Variants in TTC27 observed in about 807,000 individuals in gnomAD.
TTC27 encodes tetratricopeptide repeat domain 27, also known as tetratricopeptide repeat protein 27.
A neutral mutation model predicts 115.9 loss-of-function variants in TTC27; 79 were observed. That is an observed-to-expected ratio of 0.68 (90% CI 0.57 to 0.82). The LOEUF (loss-of-function observed/expected upper bound fraction) is 0.82. TTC27 is among the 40% of genes least tolerant of loss of function. The probability of loss-of-function intolerance (pLI) is 0.00; values close to 1 mark genes in which losing one functional copy is unlikely to be tolerated. For synonymous variants in TTC27, 401 were observed against 356.0 expected, an observed-to-expected ratio of 1.13 and a Z score of -1.42; for missense variants, 1,054 against 993.1, an observed-to-expected ratio of 1.06 and a Z score of -0.82.
intron 10 of TTC27, among the ~76,000 whole-genome samples, chr2:32,718,219 A>G (rs953912567): frequency 1.3e-5 from 2 of 152,032 alleles, no homozygotes; most frequent in Non-Finnish European, 1.5e-5. Context: ...TCAGTTCTGA[A>G]TTTGGAATTT....
chr2:32,650,257 T>C, intron 5 of TTC27, 24 bp downstream of exon 5: 1 of 1,577,262 alleles, frequency 6.3e-7, no homozygotes, highest in East Asian at 2.2e-5. Flanking sequence ...TTTTGTTTGA[T>C]ATGGGCATGT....
At chr2:32,716,129 C>T (rs1667746608) in intron 10 of TTC27, among the ~76,000 whole-genome samples, 1 of 152,120 alleles carries the variant, frequency 6.6e-6, no homozygotes, top group Non-Finnish European at 1.5e-5. Context: ...CATAAATATA[C>T]TTTGACATAA....
At chr2:32,681,620 G>T in intron 9 of TTC27, among the ~76,000 whole-genome samples, 1 of 148,056 alleles carries the variant, frequency 6.8e-6, no homozygotes. Context: ...TTTCTGTACA[G>T]TATTCAGTAA....
chr2:32,774,737 G>C (rs1036783797), intron 13 of TTC27, among the ~76,000 whole-genome samples: 4 of 152,158 alleles, frequency 2.6e-5, no homozygotes, highest in African/African-American at 9.7e-5. Flanking sequence ...AAAAGTAAAA[G>C]AGGCACCAAA....
intron 16 of TTC27, among the ~76,000 whole-genome samples, chr2:32,800,642 C>A (rs1670892005): frequency 6.6e-6 from 1 of 152,002 alleles, no homozygotes; most frequent in African/African-American, 2.4e-5. Context: ...GGATTACAGG[C>A]ATGCGCCACT....
intron 8 of TTC27, among the ~76,000 whole-genome samples, chr2:32,673,723 G>T (rs935623085): frequency 6.6e-6 from 1 of 152,102 alleles, no homozygotes; most frequent in Admixed American, 6.6e-5. Context: ...GACCAGGTGC[G>T]GTGTCTTATG....
At chr2:32,640,026 A>G (rs1409319103) in intron 3 of TTC27, among the ~76,000 whole-genome samples, 1 of 151,978 alleles carries the variant, frequency 6.6e-6, no homozygotes, top group Non-Finnish European at 1.5e-5. Flanking sequence ...CAAAAACAAA[A>G]CACCAAAAAC....
chr2:32,657,551 A>AC (rs1665375416), intron 5 of TTC27, among the ~76,000 whole-genome samples: 1 of 151,802 alleles, frequency 6.6e-6, no homozygotes, highest in South Asian at 2.1e-4. Flanking sequence ...ACGGAGTTTC[A>AC]CCGAAACACT....
chr2:32,817,343 A>T, intron 18 of TTC27, 114 bp from the exon 19 acceptor site: 1 of 756,258 alleles, frequency 1.3e-6, no homozygotes, highest in Non-Finnish European at 2.2e-6. Flanking sequence ...TTCCAGGTAG[A>T]AGTGTTTCTA....
intron 18 of TTC27, 62 bp from the exon 19 acceptor site, chr2:32,817,395 T>C: frequency 1.4e-6 from 2 of 1,383,622 alleles, no homozygotes; most frequent in Non-Finnish European, 2.0e-6. Context: ...AATTGGCTTT[T>C]GTACCTGTGA....
intron 10 of TTC27, among the ~76,000 whole-genome samples, chr2:32,732,329 T>G (rs1156559485): frequency 1.3e-5 from 2 of 152,244 alleles, no homozygotes; most frequent in Non-Finnish European, 2.9e-5. Context: ...ATGTCTCAGT[T>G]TGCTCTGACT....
intron 12 of TTC27, among the ~76,000 whole-genome samples, chr2:32,743,121 G>A (rs1182695119): frequency 1.3e-5 from 2 of 151,884 alleles, no homozygotes; most frequent in African/African-American, 4.8e-5. Context: ...TTACGTGGAG[G>A]GCTTCCTATA....
rs143024054 is a variant in TTC27 at position 32,707,254 on chromosome 2, A to C, written c.1233+4334A>C. On this transcript the variant is annotated intron_variant, in intron 10 of 19. Coordinates refer to ENST00000317907, the MANE Select transcript of TTC27 (RefSeq NM_017735.5). ...CTGGGGACTTGGGAAGCCCAAGAGC[A>C]TGGTGTCAGGATGTGATGAGGGTCA... Among the ~76,000 whole-genome samples the C allele has an allele frequency of 9.3e-3, 1,418 of 152,326 alleles. 11 individuals carry two copies. Among genetic ancestry groups the C allele is most frequent in the Middle Eastern group, 0.024 (7 of 294 alleles).
At chr2:32,653,253 C>T (rs1665195871) in intron 5 of TTC27, among the ~76,000 whole-genome samples, 1 of 152,106 alleles carries the variant, frequency 6.6e-6, no homozygotes, top group Non-Finnish European at 1.5e-5. Flanking sequence ...TGTGACATTT[C>T]AGGCAGCTCT....
chr2:32,748,978 A>G (rs1277632165), intron 12 of TTC27, among the ~76,000 whole-genome samples: 2 of 152,086 alleles, frequency 1.3e-5, no homozygotes, highest in African/African-American at 4.8e-5. Context: ...GTGAGCCACC[A>G]TGCCTGGCCT....
At chr2:32,732,586 T>A (rs1368608247) in intron 10 of TTC27, among the ~76,000 whole-genome samples, 1 of 152,196 alleles carries the variant, frequency 6.6e-6, no homozygotes, top group East Asian at 1.9e-4. Context: ...ACTTGCTCCC[T>A]TTTTTACTAT....
rs1169481116 is a variant in TTC27 at position 32,805,464 on chromosome 2, G to A, written c.1999-5560G>A. Among the ~76,000 whole-genome samples the A allele has an allele frequency of 7.2e-5, 11 of 152,322 alleles. No individual in the cohort carries two copies. In the East Asian group the frequency reaches 2.1e-3, roughly 29 times the overall value. ...AAGCCTCAGGTTTTTTATTTGTAAA[G>A]TAGGGGTAATAAAGTACCTGCTTCC... On this transcript the variant is annotated intron_variant, in intron 16 of 19. Coordinates refer to ENST00000317907, the MANE Select transcript of TTC27 (RefSeq NM_017735.5).
chr2:32,795,294 T>A (rs760634288), intron 16 of TTC27, among the ~76,000 whole-genome samples: 1 of 151,894 alleles, frequency 6.6e-6, no homozygotes. Context: ...TGGTTTAACA[T>A]ATGAAATAGA....
intron 13 of TTC27, among the ~76,000 whole-genome samples, chr2:32,767,360 G>T (rs1376602488): frequency 1.3e-5 from 2 of 150,578 alleles, no homozygotes; most frequent in Non-Finnish European, 3.0e-5. Context: ...CAGCATATTT[G>T]ATATATTTTG....
Sources: gnomAD v4.1 joint callset for allele counts (sites outside exome capture counted in the v4.1 genomes callset) on GRCh38, gnomAD v4.1.1 for gene constraint, MANE v1.5 for transcripts, NCBI Gene and HGNC (gene_info 2026-07-23, HGNC 2026-07-21) for gene names.